Variants in GRIK1 observed in about 807,000 individuals in gnomAD.
GRIK1 encodes glutamate ionotropic receptor kainate type subunit 1.
A neutral mutation model predicts 105.7 loss-of-function variants in GRIK1; 69 were observed. The ratio of observed to expected loss-of-function variants is 0.65; its 90% CI spans 0.54 to 0.80. The LOEUF is 0.80. GRIK1 is among the 30% of genes least tolerant of loss of function. The probability of loss-of-function intolerance (pLI) is 0.00; values close to 1 mark genes in which losing one functional copy is unlikely to be tolerated. For missense variants in GRIK1, 1,109 were observed against 1,167.3 expected, an observed-to-expected ratio of 0.95 and a Z score of 0.73; for synonymous variants, 438 against 431.3, an observed-to-expected ratio of 1.02 and a Z score of -0.19.
intron 1 of GRIK1, among the ~76,000 whole-genome samples, chr21:29,832,112 C>T (rs1270014427): frequency 6.6e-6 from 1 of 152,208 alleles, no homozygotes; most frequent in African/African-American, 2.4e-5. Flanking sequence ...AAATAATCTT[C>T]TTTGACTCCA....
intron 16 of GRIK1, among the ~76,000 whole-genome samples, chr21:29,544,409 G>C (rs781409319): frequency 3.3e-5 from 5 of 152,170 alleles, no homozygotes; most frequent in Non-Finnish European, 7.3e-5. Flanking sequence ...GCTAACGTTA[G>C]GGATAATGTC....
chr21:29,900,459 C>CAAAAAA lies in GRIK1; in HGVS notation c.118+38923_118+38924insTTTTTT, dbSNP rs746842761. 1.1e-3 allele frequency among the ~76,000 whole-genome samples: 87 copies of CAAAAAA among 78,294 alleles called. 2 individuals are homozygous for CAAAAAA. Among genetic ancestry groups the CAAAAAA allele is most frequent in the Middle Eastern group, 8.2e-3 (1 of 122 alleles). 51.4% of individuals were successfully genotyped at this position (78,294 alleles called of 152,430 possible). ...GAAGATCTACCAAACAAATGGAAAG[C>CAAAAAA]AAGAAAAAAAAAAAAAAAAAGCAAG... On this transcript the variant is annotated intron_variant, in intron 1 of 17. Transcript: ENST00000327783.
chr21:29,800,920 G>A (rs190753304), intron 1 of GRIK1, among the ~76,000 whole-genome samples: 13 of 152,210 alleles, frequency 8.5e-5, no homozygotes, highest in Admixed American at 2.0e-4. Context: ...GGCAAAGGGC[G>A]GTAATTGCTT....
At chr21:29,734,425 T>TC (rs1569028742) in intron 1 of GRIK1, among the ~76,000 whole-genome samples, 2,871 of 16,026 alleles carry the variant, frequency 0.18, 366 homozygotes, top group Non-Finnish European at 0.41. Flanking sequence ...TCTTTTCTTT[T>TC]TGAGACAGAG....
chr21:29,759,258 C>T (rs928928220), intron 1 of GRIK1, among the ~76,000 whole-genome samples: 10 of 152,050 alleles, frequency 6.6e-5, no homozygotes, highest in African/African-American at 2.4e-4. Flanking sequence ...GCTGGGACTA[C>T]AGGCACCCGC....
intron 17 of GRIK1, 86 bp downstream of exon 17, chr21:29,537,712 C>A (rs2089902510): frequency 2.5e-6 from 2 of 802,902 alleles, no homozygotes; most frequent in East Asian, 2.4e-5. Context: ...TAAATTAAGT[C>A]ATTTCCCCCA....
chr21:29,929,208 T>C (rs866695285), intron 1 of GRIK1, among the ~76,000 whole-genome samples: 1 of 152,172 alleles, frequency 6.6e-6, no homozygotes, highest in Non-Finnish European at 1.5e-5. Flanking sequence ...GGAGGTTATG[T>C]GACATGGCCA....
Position 29,854,509 on chromosome 21 carries a change from GA to G in GRIK1, c.118+84873del, listed in dbSNP as rs113457218. The stretch of plus-strand genomic sequence containing the variant: ...AGAAATAGCCTGCCAAAAATAATGA[GA>G]AAAAAAAACAAGAAATTACTATGCC... On this transcript the variant is annotated intron_variant, in intron 1 of 17. Coordinates refer to ENST00000327783, the MANE Select transcript of GRIK1 (RefSeq NM_001330994.2). Among the ~76,000 whole-genome samples the G allele has an allele frequency of 3.3e-3, 498 of 150,856 alleles. 1 individual carries two copies. Among genetic ancestry groups the G allele is most frequent in the African/African-American group, 0.011 (464 of 40,784 alleles).
intron 2 of GRIK1, among the ~76,000 whole-genome samples, chr21:29,692,658 C>G (rs2063606668): frequency 6.6e-6 from 1 of 152,192 alleles, no homozygotes; most frequent in African/African-American, 2.4e-5. Flanking sequence ...ACTTCAGGCT[C>G]TACTTCCCGG....
chr21:29,574,714 G>A (rs1601157156), intron 14 of GRIK1, among the ~76,000 whole-genome samples: 1 of 126,604 alleles, frequency 7.9e-6, no homozygotes, highest in Admixed American at 9.3e-5. Flanking sequence ...TTGAGACGGA[G>A]TCTCGCTCTG....
intron 1 of GRIK1, among the ~76,000 whole-genome samples, chr21:29,730,964 C>T (rs929579964): frequency 2.0e-5 from 3 of 152,306 alleles, no homozygotes; most frequent in Non-Finnish European, 4.4e-5. Context: ...CTCTAAAGAA[C>T]TGAGATTCCT....
At chr21:29,712,450 G>T (rs562344032) in intron 1 of GRIK1, among the ~76,000 whole-genome samples, 1 of 151,698 alleles carries the variant, frequency 6.6e-6, no homozygotes, top group Non-Finnish European at 1.5e-5. Context: ...ATCTTGATGC[G>T]TATCACCTAA....
At chr21:29,938,574 A>G (rs1263574738) in intron 1 of GRIK1, among the ~76,000 whole-genome samples, 1 of 152,040 alleles carries the variant, frequency 6.6e-6, no homozygotes, top group Non-Finnish European at 1.5e-5. Context: ...GCGTTTTGTC[A>G]TCTTTGGGCT....
intron 16 of GRIK1, among the ~76,000 whole-genome samples, chr21:29,547,053 T>C (rs2090061321): frequency 6.6e-6 from 1 of 152,242 alleles, no homozygotes; most frequent in Non-Finnish European, 1.5e-5. Context: ...TTTTGTGAAT[T>C]GTGAATGTGT....
At chr21:29,676,769 C>G (rs1862675794) in intron 3 of GRIK1, among the ~76,000 whole-genome samples, 1 of 152,030 alleles carries the variant, frequency 6.6e-6, no homozygotes, top group Admixed American at 6.6e-5. Flanking sequence ...AACAATAAAA[C>G]TGACCTGGAC....
At chr21:29,795,437 T>TG in intron 1 of GRIK1, among the ~76,000 whole-genome samples, 1 of 152,320 alleles carries the variant, frequency 6.6e-6, no homozygotes, top group South Asian at 2.1e-4. Flanking sequence ...GAGCTATCCT[T>TG]GCTGCTCAGG....
intron 14 of GRIK1, among the ~76,000 whole-genome samples, chr21:29,576,529 A>G (rs1346570149): frequency 6.6e-6 from 1 of 151,868 alleles, no homozygotes; most frequent in Non-Finnish European, 1.5e-5. Context: ...TTTCTATCTC[A>G]TCAAGTACAG....
chr21:29,808,676 A>G (rs1165010538), intron 1 of GRIK1, among the ~76,000 whole-genome samples: 2 of 152,162 alleles, frequency 1.3e-5, no homozygotes, highest in Admixed American at 6.5e-5. Flanking sequence ...AGAAGCACTA[A>G]AGGGAATTGT....
At chr21:29,612,160 C>A (rs371707351) in intron 7 of GRIK1, among the ~76,000 whole-genome samples, 39 of 152,314 alleles carry the variant, frequency 2.6e-4, no homozygotes, top group African/African-American at 7.9e-4. Context: ...TGACACATAG[C>A]GTTCTATTTG....
Sources: allele counts gnomAD v4.1 joint callset (sites outside exome capture counted in the v4.1 genomes callset), GRCh38; gene constraint gnomAD v4.1.1; transcripts MANE v1.5; gene names NCBI Gene and HGNC (gene_info 2026-07-23, HGNC 2026-07-21).